Variants in CHSY3 observed in about 807,000 individuals in gnomAD.
CHSY3 encodes the protein chondroitin sulfate synthase 3.
Under a neutral mutation model 67.2 loss-of-function variants are expected in CHSY3, and 35 were observed. The observed-to-expected ratio is 0.52, with a 90% CI of 0.40 to 0.69. The LOEUF is 0.69. CHSY3 is among the 30% of genes least tolerant of loss of function. The probability of loss-of-function intolerance (pLI) is 0.00; values close to 1 mark genes in which losing one functional copy is unlikely to be tolerated. For synonymous variants in CHSY3, 474 were observed against 434.7 expected (o/e 1.09, Z -1.12); for missense variants, 1,069 against 1,138.5 (o/e 0.94, Z 0.88).
intron 2 of CHSY3, among the ~76,000 whole-genome samples, chr5:129,923,349 G>A (rs1473103243): frequency 1.3e-5 from 2 of 152,090 alleles, no homozygotes; most frequent in African/African-American, 4.8e-5. Flanking sequence ...TGAGCCATTG[G>A]GAGAGGGTGA....
chr5:129,918,139 C>CT (rs201358767), intron 2 of CHSY3, among the ~76,000 whole-genome samples: 32 of 152,250 alleles, frequency 2.1e-4, no homozygotes, highest in Non-Finnish European at 3.4e-4. Flanking sequence ...ACTGACAACT[C>CT]TATGTTTTCT....
At chr5:130,181,052 C>G (rs908502195) in intron 2 of CHSY3, among the ~76,000 whole-genome samples, 1 of 152,106 alleles carries the variant, frequency 6.6e-6, no homozygotes, top group African/African-American at 2.4e-5. Flanking sequence ...TTCCTAGAGG[C>G]TCTCAGATAA....
intron 2 of CHSY3, among the ~76,000 whole-genome samples, chr5:130,014,204 T>G (rs1367140905): frequency 6.6e-6 from 1 of 152,186 alleles, no homozygotes; most frequent in Non-Finnish European, 1.5e-5. Context: ...CCCACATTTT[T>G]CTGTCTTCTT....
chr5:129,971,590 G>C (rs1156628629), intron 2 of CHSY3, among the ~76,000 whole-genome samples: 1 of 151,846 alleles, frequency 6.6e-6, no homozygotes, highest in Non-Finnish European at 1.5e-5. Context: ...TTACAAATGA[G>C]AAAATTGTGA....
At chr5:129,930,552 C>T (rs1485482109) in intron 2 of CHSY3, among the ~76,000 whole-genome samples, 1 of 145,156 alleles carries the variant, frequency 6.9e-6, no homozygotes, top group Non-Finnish European at 1.5e-5. Context: ...TCATGATAAA[C>T]TTTCCAAGCA....
chr5:129,981,670 A>C (rs1655029271), intron 2 of CHSY3, among the ~76,000 whole-genome samples: 1 of 152,058 alleles, frequency 6.6e-6, no homozygotes, highest in Non-Finnish European at 1.5e-5. Flanking sequence ...AGGTGCAAGC[A>C]ACATGCCTGG....
chr5:129,993,514 AG>A (rs1027131767), intron 2 of CHSY3, among the ~76,000 whole-genome samples: 3 of 152,090 alleles, frequency 2.0e-5, no homozygotes, highest in African/African-American at 7.2e-5. Context: ...CTGTTTTATC[AG>A]AGACTAGGAT....
At chr5:130,044,111 G>T (rs970315034) in intron 2 of CHSY3, among the ~76,000 whole-genome samples, 1 of 151,948 alleles carries the variant, frequency 6.6e-6, no homozygotes, top group African/African-American at 2.4e-5. Flanking sequence ...AAAGGCCCAG[G>T]GTGAGATAAG....
intron 2 of CHSY3, among the ~76,000 whole-genome samples, chr5:130,090,754 G>C (rs1028042647): frequency 1.3e-5 from 2 of 152,058 alleles, no homozygotes; most frequent in African/African-American, 4.8e-5. Context: ...AGACTGTCTT[G>C]CCCATTCAGT....
intron 2 of CHSY3, among the ~76,000 whole-genome samples, chr5:130,019,201 T>A (rs547446843): frequency 6.6e-6 from 1 of 152,194 alleles, no homozygotes; most frequent in African/African-American, 2.4e-5. Flanking sequence ...ATTTTACACA[T>A]GCTTGTTTGA....
chr5:130,024,691 G>A (rs1280022951), intron 2 of CHSY3, among the ~76,000 whole-genome samples: 1 of 151,948 alleles, frequency 6.6e-6, no homozygotes, highest in Non-Finnish European at 1.5e-5. Flanking sequence ...GAAATTATTG[G>A]TAAACATGAA....
At chr5:130,054,961 T>C (rs1275104339) in intron 2 of CHSY3, among the ~76,000 whole-genome samples, 2 of 152,022 alleles carry the variant, frequency 1.3e-5, no homozygotes, top group African/African-American at 4.8e-5. Flanking sequence ...GGTCTGAGGA[T>C]GGTGGTGGAA....
chr5:130,086,947 A>T (rs1473438611), intron 2 of CHSY3, among the ~76,000 whole-genome samples: 1 of 152,184 alleles, frequency 6.6e-6, no homozygotes, highest in Non-Finnish European at 1.5e-5. Context: ...TCCTTGATGA[A>T]CAGTGATGCA....
At chr5:130,029,554 A>T (rs4266445) in intron 2 of CHSY3, among the ~76,000 whole-genome samples, 11,015 of 152,110 alleles carry the variant, frequency 0.072, 1,333 homozygotes, top group African/African-American at 0.25. Flanking sequence ...GAGGTGTTTG[A>T]TTTATATATT....
chr5:130,174,528 T>C (rs1374272650), intron 2 of CHSY3, among the ~76,000 whole-genome samples: 1 of 152,138 alleles, frequency 6.6e-6, no homozygotes, highest in African/African-American at 2.4e-5. Flanking sequence ...ATTGTAAACA[T>C]ATTTGAATCA....
intron 2 of CHSY3, among the ~76,000 whole-genome samples, chr5:130,080,805 C>T (rs1766421173): frequency 6.6e-6 from 1 of 151,928 alleles, no homozygotes; most frequent in Non-Finnish European, 1.5e-5. Flanking sequence ...CCTGTAGGGG[C>T]CAAGAGAAAA....
At chr5:130,135,870 G>A (rs1001048078) in intron 2 of CHSY3, among the ~76,000 whole-genome samples, 8 of 152,192 alleles carry the variant, frequency 5.3e-5, no homozygotes, top group South Asian at 2.1e-4. Context: ...ATTATTTTGC[G>A]TATATAATTG....
At chr5:130,048,006 T>TA (rs1055412450) in intron 2 of CHSY3, among the ~76,000 whole-genome samples, 1 of 151,008 alleles carries the variant, frequency 6.6e-6, no homozygotes, top group Non-Finnish European at 1.5e-5. Context: ...CGCGTGGCTG[T>TA]AAAAAAAGAA....
At chr5:129,921,579 G>T in intron 2 of CHSY3, among the ~76,000 whole-genome samples, 1 of 152,178 alleles carries the variant, frequency 6.6e-6, no homozygotes, top group Non-Finnish European at 1.5e-5. Context: ...TGAAATGGTG[G>T]ATTAGGGAGG....
Sources: allele counts gnomAD v4.1 joint callset (sites outside exome capture counted in the v4.1 genomes callset), GRCh38; gene constraint gnomAD v4.1.1; transcripts MANE v1.5; gene names NCBI Gene and HGNC (gene_info 2026-07-23, HGNC 2026-07-21).